Variants in VSIR observed in about 807,000 individuals in gnomAD.
VSIR encodes V-type immunoglobulin domain-containing suppressor of T-cell activation.
Under a neutral mutation model 31.0 loss-of-function variants are expected in VSIR, and 10 were observed. The ratio of observed to expected loss-of-function variants is 0.32; its 90% confidence interval spans 0.20 to 0.55. The LOEUF (loss-of-function observed/expected upper bound fraction) is 0.55. VSIR is among the 20% of genes least tolerant of loss of function. VSIR has a pLI of 0.93. For synonymous variants in VSIR, 179 were observed against 180.1 expected (o/e 0.99, Z 0.05); for missense variants, 356 against 416.2 (o/e 0.86, Z 1.26).
rs1840009931 is a variant in VSIR at position 71,751,789 on chromosome 10, G to A, written c.777C>T (p.Val259=). 1 of 1,599,736 alleles carries A rather than the reference G, an allele frequency of 6.3e-7. No individual in the cohort carries two copies. Among genetic ancestry groups the A allele is most frequent in the Non-Finnish European group, 8.5e-7 (1 of 1,172,940 alleles). ...GGGCCACATAGGACAGGGGGTGCCTGACTTTGGCCTCGGGTATCCCCTGGG... is the reference window on the plus strand; with the variant it reads ...GGGCCACATAGGACAGGGGGTGCCTAACTTTGGCCTCGGGTATCCCCTGGG... The part of the protein sequence containing the change: ...PPAQGIPEAK[V]RHPLSYVAQR... Residue 259 remains valine (V), a synonymous_variant, in exon 6 of 7, where the codon GTC becomes GTT. Transcript: ENST00000394957. This position sits in a 1 kb window ranked among gnomAD's most constrained non-coding sequence, Gnocchi z 4.9.
chr10:71,754,913 G>C (rs897245617), intron 4 of VSIR, among the ~76,000 whole-genome samples: 2 of 152,104 alleles, frequency 1.3e-5, no homozygotes, highest in Non-Finnish European at 2.9e-5. Context: ...AAAAAGAAAG[G>C]GTTGAGCTAA....
intron 3 of VSIR, among the ~76,000 whole-genome samples, chr10:71,758,500 G>A (rs1366785662): frequency 6.6e-6 from 1 of 152,202 alleles, no homozygotes; most frequent in Admixed American, 6.5e-5. Context: ...TTAGGGCAGT[G>A]CCCTCTTACC....
chr10:71,767,533 G>C (rs530068257), intron 1 of VSIR, among the ~76,000 whole-genome samples: 1 of 152,172 alleles, frequency 6.6e-6, no homozygotes, highest in Non-Finnish European at 1.5e-5. Flanking sequence ...CCAGCTCCCC[G>C]CCAGGCCCCA....
intron 3 of VSIR, among the ~76,000 whole-genome samples, chr10:71,756,331 C>T (rs1291482487): frequency 6.6e-6 from 1 of 152,190 alleles, no homozygotes; most frequent in Non-Finnish European, 1.5e-5. Flanking sequence ...ACAGCTTGGA[C>T]ATCTCTCTGT....
intron 1 of VSIR, among the ~76,000 whole-genome samples, chr10:71,764,612 G>A (rs1840483471): frequency 1.3e-5 from 2 of 152,160 alleles, no homozygotes; most frequent in Non-Finnish European, 2.9e-5. Context: ...GTCAGCTGGG[G>A]CTCAGTAGCA....
chr10:71,770,136 C>A (rs1172089010), intron 1 of VSIR, among the ~76,000 whole-genome samples: 3 of 152,226 alleles, frequency 2.0e-5, no homozygotes, highest in African/African-American at 7.2e-5. Flanking sequence ...CTCCATTAGG[C>A]CCTGTAGAGA....
At chr10:71,769,507 A>G (rs995668392) in intron 1 of VSIR, among the ~76,000 whole-genome samples, 2 of 152,266 alleles carry the variant, frequency 1.3e-5, no homozygotes, top group Admixed American at 1.3e-4. Context: ...AGTAAATATT[A>G]TGAAAGGCAG....
intron 5 of VSIR, chr10:71,752,146 A>C: frequency 3.4e-6 from 2 of 582,254 alleles, no homozygotes; most frequent in Non-Finnish European, 3.2e-6. Flanking sequence ...GAAGCCAAAA[A>C]TCACAGACAC....
At chr10:71,764,438 C>T (rs1264295466) in intron 1 of VSIR, among the ~76,000 whole-genome samples, 1 of 152,168 alleles carries the variant, frequency 6.6e-6, no homozygotes, top group Non-Finnish European at 1.5e-5. Flanking sequence ...AGCCCACAGG[C>T]CACATCCAGC....
At chr10:71,771,421 G>C (rs973170222) in intron 1 of VSIR, among the ~76,000 whole-genome samples, 2 of 152,220 alleles carry the variant, frequency 1.3e-5, no homozygotes. Flanking sequence ...TTGACCTTGG[G>C]CAACATACCC....
rs561052628 is a variant in VSIR at position 71,748,360 on chromosome 10, G to A, written c.*2893C>T. On this transcript the variant is annotated 3_prime_UTR_variant, in exon 7 of 7. Coordinates refer to ENST00000394957, the MANE Select transcript of VSIR (RefSeq NM_022153.2). ...CCTCCACCCCAGCGCCCATCGCCAC[G>A]GACTCCCCCAGGCAGGGCCAGCCTG... 2.0e-4 allele frequency: 30 copies of A among 152,626 alleles called. No homozygotes were observed. The highest frequency in any genetic ancestry group is 3.4e-3 in the Middle Eastern group (1 of 296). The allele number at this position is 152,626 out of a possible 1,614,324, so 9.5% of individuals were successfully genotyped here. A position where few individuals can be genotyped will look rare whatever the true frequency, so the allele number is the denominator to read the frequency against.
At chr10:71,759,866 T>TATATACACACACACAC in intron 3 of VSIR, among the ~76,000 whole-genome samples, 1 of 83,454 alleles carries the variant, frequency 1.2e-5, no homozygotes, top group Non-Finnish European at 2.7e-5. Flanking sequence ...CACACACACA[T>TATATACACACACACAC]ATATATACAC....
At chr10:71,752,872 C>T (rs1840040734) in intron 5 of VSIR, 103 bp downstream of exon 5, 1 of 1,366,248 alleles carries the variant, frequency 7.3e-7, no homozygotes, top group Admixed American at 2.3e-5. Context: ...CTCTTCTGAC[C>T]AGCTGCTCTA....
In VSIR at chr10:71,751,106, G is replaced by A; in HGVS notation, c.*147C>T. 1 of 954,078 alleles carries A rather than the reference G, an allele frequency of 1.0e-6. No individual in the cohort carries two copies. The highest frequency in any genetic ancestry group is 1.5e-6 in the Non-Finnish European group (1 of 645,832). 59.1% of individuals were successfully genotyped at this position (954,078 alleles called of 1,614,324 possible). ...TAGCATCCAGAGGGGTTGAGGGGCT[G>A]GGCTTCTGGGATGTCACAGTATCTG... On this transcript the variant is annotated 3_prime_UTR_variant, in exon 7 of 7. Transcript: ENST00000394957. This position sits in a 1 kb window ranked among gnomAD's most constrained non-coding sequence, Gnocchi z 4.9.
intron 4 of VSIR, 60 bp downstream of exon 4, chr10:71,755,299 T>C (rs1415012020): frequency 6.9e-7 from 1 of 1,456,656 alleles, no homozygotes; most frequent in Non-Finnish European, 9.4e-7. Flanking sequence ...GGGGCTGAAC[T>C]GGGGGCTGGA....
intron 1 of VSIR, among the ~76,000 whole-genome samples, chr10:71,769,319 C>A (rs1589410891): frequency 1.3e-5 from 2 of 152,234 alleles, no homozygotes; most frequent in East Asian, 1.9e-4. Context: ...CCTTCCCAGG[C>A]TAAAGTTTCC....
At chr10:71,763,889 CT>C (rs1296563309) in intron 1 of VSIR, among the ~76,000 whole-genome samples, 1 of 152,188 alleles carries the variant, frequency 6.6e-6, no homozygotes, top group African/African-American at 2.4e-5. Flanking sequence ...CTGATAACAA[CT>C]TGTGATCCGA....
intron 3 of VSIR, among the ~76,000 whole-genome samples, chr10:71,757,021 G>T (rs537409915): frequency 6.0e-4 from 91 of 152,346 alleles, no homozygotes; most frequent in Admixed American, 1.2e-3. Context: ...ATTACAGCAG[G>T]TTCCCTGCAG....
intron 3 of VSIR, among the ~76,000 whole-genome samples, chr10:71,757,802 A>AG (rs1216065940): frequency 1.3e-5 from 2 of 152,122 alleles, no homozygotes; most frequent in Non-Finnish European, 2.9e-5. Context: ...CCAGGGAGGA[A>AG]GCTGGGTGAA....
Sources: allele counts gnomAD v4.1 joint callset (sites outside exome capture counted in the v4.1 genomes callset), GRCh38; gene constraint gnomAD v4.1.1; non-coding constraint Gnocchi (gnomAD v3.1); transcripts MANE v1.5; gene names NCBI Gene and HGNC (gene_info 2026-07-23, HGNC 2026-07-21).